The following MSI2 variants were observed in gnomAD, a reference collection of about 807,000 sequenced individuals.
MSI2 encodes RNA-binding protein Musashi homolog 2.
A neutral mutation model predicts 45.6 loss-of-function variants in MSI2; 17 were observed. The ratio of observed to expected loss-of-function variants is 0.37; its 90% CI spans 0.26 to 0.56. MSI2 has a LOEUF of 0.56. MSI2 is among the 20% of genes least tolerant of loss of function. MSI2 has a pLI of 0.77. For missense variants in MSI2, 293 were observed against 444.2 expected, an observed-to-expected ratio of 0.66 and a Z score of 3.06; for synonymous variants, 156 against 158.2, an observed-to-expected ratio of 0.99 and a Z score of 0.11.
chr17:57,376,992 C>T (rs1390123902), intron 5 of MSI2, among the ~76,000 whole-genome samples: 1 of 151,530 alleles, frequency 6.6e-6, no homozygotes, highest in African/African-American at 2.4e-5. Flanking sequence ...GCGATCTCGG[C>T]TCACTGCAAG....
intron 5 of MSI2, among the ~76,000 whole-genome samples, chr17:57,284,267 T>C (rs1909672332): frequency 6.6e-6 from 1 of 152,082 alleles, no homozygotes; most frequent in Non-Finnish European, 1.5e-5. Context: ...GTTTCGAAGG[T>C]GGCCCTCATT....
chr17:57,450,277 A>AGAAAGAGAGAAAGAGAGAAAGAG (rs1567830706), intron 6 of MSI2: 13 of 120,762 alleles, frequency 1.1e-4, no homozygotes, highest in African/African-American at 4.4e-4. Context: ...GAAAGAAAGA[A>AGAAAGAGAGAAAGAGAGAAAGAG]AGAAAGAAAG....
intron 6 of MSI2, among the ~76,000 whole-genome samples, chr17:57,485,084 G>A (rs2085726016): frequency 6.6e-6 from 1 of 151,960 alleles, no homozygotes; most frequent in Admixed American, 6.6e-5. Context: ...CCGGCTCACT[G>A]CAGAGCTGAG....
At chr17:57,639,064 TG>T (rs747866348) in intron 10 of MSI2, among the ~76,000 whole-genome samples, 7 of 152,206 alleles carry the variant, frequency 4.6e-5, no homozygotes, top group Non-Finnish European at 5.9e-5. Flanking sequence ...GCCAGCTCTC[TG>T]GGGTCTCTTT....
At chr17:57,330,021 G>A (rs547337918) in intron 5 of MSI2, among the ~76,000 whole-genome samples, 1 of 150,756 alleles carries the variant, frequency 6.6e-6, no homozygotes, top group South Asian at 2.1e-4. Flanking sequence ...GTGCCTTCAT[G>A]GAAAAAGTTC....
chr17:57,368,565 A>G (rs1305998112), intron 5 of MSI2, among the ~76,000 whole-genome samples: 3 of 152,224 alleles, frequency 2.0e-5, no homozygotes, highest in East Asian at 3.8e-4. Context: ...CAAAAAAACA[A>G]AAACAAAAAA....
intron 6 of MSI2, among the ~76,000 whole-genome samples, chr17:57,516,913 C>T (rs567020094): frequency 1.3e-5 from 2 of 152,166 alleles, no homozygotes; most frequent in Non-Finnish European, 2.9e-5. Flanking sequence ...CCAGTTTGCT[C>T]CTCTAGAAAA....
At position 57,459,308 on chromosome 17, in the gene MSI2, A is replaced by G. The variant is rs890453198; in HGVS notation, c.405+57837A>G. Among the ~76,000 whole-genome samples the G allele has an allele frequency of 3.9e-5, 6 of 152,250 alleles. 1 individual carries two copies. The highest frequency in any genetic ancestry group is 1.3e-4 in the Admixed American group (2 of 15,290). On this transcript the variant is annotated intron_variant, in intron 6 of 13. Transcript: ENST00000284073. The stretch of plus-strand genomic sequence containing the variant: ...GCAGGGGTGGGAAAGGAATGAGGTG[A>G]GAGAAGGTGAGGTGAACATGGGATG...
chr17:57,560,040 A>C (rs935966088), intron 7 of MSI2, among the ~76,000 whole-genome samples: 2 of 152,272 alleles, frequency 1.3e-5, no homozygotes, highest in East Asian at 3.8e-4. Flanking sequence ...CGAACATATT[A>C]TACCATGTTA....
chr17:57,328,324 T>C (rs58620267), intron 5 of MSI2, among the ~76,000 whole-genome samples: 2 of 151,504 alleles, frequency 1.3e-5, no homozygotes, highest in African/African-American at 2.4e-5. Context: ...TATCCATCCA[T>C]CCATCCATGC....
At chr17:57,563,936 C>T (rs995524196) in intron 7 of MSI2, among the ~76,000 whole-genome samples, 2 of 152,210 alleles carry the variant, frequency 1.3e-5, no homozygotes, top group Non-Finnish European at 2.9e-5. Flanking sequence ...CTGTTACACG[C>T]TCTGCTGAAC....
chr17:57,278,314 A>G (rs1909062297), intron 5 of MSI2: 1 of 152,346 alleles, frequency 6.6e-6, no homozygotes, highest in African/African-American at 2.4e-5. Flanking sequence ...CCCACAATGC[A>G]TGGTCTGGGA....
chr17:57,548,668 T>G (rs1433810556), intron 7 of MSI2, among the ~76,000 whole-genome samples: 1 of 151,390 alleles, frequency 6.6e-6, no homozygotes, highest in African/African-American at 2.4e-5. Context: ...CTGGAGAAGT[T>G]TGGTGTGGGG....
At chr17:57,650,209 G>A (rs926445032) in intron 10 of MSI2, among the ~76,000 whole-genome samples, 10 of 146,800 alleles carry the variant, frequency 6.8e-5, no homozygotes, top group Non-Finnish European at 1.2e-4. Flanking sequence ...CCCCCACTTC[G>A]TTCCTCTTTC....
intron 9 of MSI2, among the ~76,000 whole-genome samples, chr17:57,620,638 T>A (rs1052143365): frequency 2.0e-5 from 3 of 152,162 alleles, no homozygotes; most frequent in Non-Finnish European, 4.4e-5. Flanking sequence ...GGCCTCTTTC[T>A]CCTTGTGGAC....
At chr17:57,295,768 T>A (rs868814695) in intron 5 of MSI2, among the ~76,000 whole-genome samples, 1 of 152,212 alleles carries the variant, frequency 6.6e-6, no homozygotes. Flanking sequence ...CTAAAGTATT[T>A]GTTCTTGCTT....
chr17:57,462,816 G>A (rs1413680032), intron 6 of MSI2, among the ~76,000 whole-genome samples: 1 of 152,228 alleles, frequency 6.6e-6, no homozygotes, highest in Non-Finnish European at 1.5e-5. Flanking sequence ...GATAGCCAGA[G>A]TTCCTTCCTT....
At chr17:57,456,692 G>T (rs1385690376) in intron 6 of MSI2, among the ~76,000 whole-genome samples, 1 of 152,148 alleles carries the variant, frequency 6.6e-6, no homozygotes, top group African/African-American at 2.4e-5. Context: ...CAAGGGTTGT[G>T]CTCAGGGCAC....
intron 6 of MSI2, among the ~76,000 whole-genome samples, chr17:57,411,917 G>A (rs1383842311): frequency 1.3e-5 from 2 of 151,986 alleles, no homozygotes; most frequent in Non-Finnish European, 2.9e-5. Context: ...TGAGGCAGGA[G>A]AATTGCTTGA....
Sources: gnomAD v4.1 joint callset for allele counts (sites outside exome capture counted in the v4.1 genomes callset) on GRCh38, gnomAD v4.1.1 for gene constraint, MANE v1.5 for transcripts, NCBI Gene and HGNC (gene_info 2026-07-23, HGNC 2026-07-21) for gene names.